Variants in TSHZ2 observed in about 807,000 individuals in gnomAD.
The protein encoded by TSHZ2 is teashirt zinc finger homeobox 2.
In TSHZ2, 21 loss-of-function variants were observed where a neutral mutation model predicts 74.4. The observed-to-expected ratio is 0.28, with a 90% confidence interval of 0.20 to 0.41. The LOEUF (loss-of-function observed/expected upper bound fraction) is 0.41, where lower values mean the gene tolerates loss of function less well. TSHZ2 is among the 10% of genes least tolerant of loss of function. The pLI is 1.00. For synonymous variants in TSHZ2, 540 were observed against 515.3 expected (o/e 1.05, Z -0.65); for missense variants, 1,244 against 1,293.5 (o/e 0.96, Z 0.59).
chr20:53,122,356 CATT>C (rs1986835766), intron 1 of TSHZ2, among the ~76,000 whole-genome samples: 1 of 151,270 alleles, frequency 6.6e-6, no homozygotes, highest in Admixed American at 6.6e-5. Context: ...ACCATCATGA[CATT>C]ATTGTCATCA....
chr20:53,051,519 C>T (rs6013621), intron 1 of TSHZ2, among the ~76,000 whole-genome samples: 71,040 of 150,648 alleles, frequency 0.47, 18,538 homozygotes, highest in East Asian at 0.75. Context: ...TGCACTGGAG[C>T]CCTGTAAGTA....
intron 2 of TSHZ2, among the ~76,000 whole-genome samples, chr20:53,424,016 A>G (rs908350577): frequency 6.6e-6 from 1 of 152,216 alleles, no homozygotes; most frequent in East Asian, 1.9e-4. Context: ...CCAAATGTCA[A>G]TAGTGCCAAA....
chr20:53,442,931 TATCTC>T (rs1030673633), intron 2 of TSHZ2, among the ~76,000 whole-genome samples: 3 of 152,220 alleles, frequency 2.0e-5, no homozygotes, highest in Non-Finnish European at 4.4e-5. Flanking sequence ...TTTGCAGTAA[TATCTC>T]ATCCCGCTTA....
rs185998972 is a variant in TSHZ2, at chr20:53,149,800, C to T, written c.41-103699C>T. On this transcript the variant is annotated intron_variant, in intron 1 of 2. Coordinates refer to ENST00000371497, the MANE Select transcript of TSHZ2 (RefSeq NM_173485.6). Reference sequence around the variant, plus strand: ...ACGAGGCAAAACTGAGACCTGCTGGCAGGCTCCTTCTCCAAAGAGACATTT... The same window carrying T: ...ACGAGGCAAAACTGAGACCTGCTGGTAGGCTCCTTCTCCAAAGAGACATTT... 1.3e-4 allele frequency among the ~76,000 whole-genome samples: 20 copies of T among 152,304 alleles called. No homozygotes were observed. The East Asian group carries it at 3.7e-3, about 28-fold the overall frequency.
At chr20:52,984,030 C>T (rs1981663553) in intron 1 of TSHZ2, among the ~76,000 whole-genome samples, 1 of 152,230 alleles carries the variant, frequency 6.6e-6, no homozygotes, top group African/African-American at 2.4e-5. Context: ...TAATTGTCAC[C>T]TCCAGATAAG....
chr20:53,344,746 T>C (rs1980369372), intron 2 of TSHZ2, among the ~76,000 whole-genome samples: 1 of 147,038 alleles, frequency 6.8e-6, no homozygotes. Flanking sequence ...ATTAACCTAA[T>C]ATGAGAAAAA....
chr20:53,166,297 T>G (rs181477330), intron 1 of TSHZ2, among the ~76,000 whole-genome samples: 156 of 152,316 alleles, frequency 1.0e-3, no homozygotes, highest in African/African-American at 3.6e-3. Context: ...AGAAAAATTC[T>G]AAGTGTGGTG....
intron 1 of TSHZ2, among the ~76,000 whole-genome samples, chr20:53,075,996 C>T (rs1436885663): frequency 6.6e-6 from 1 of 152,180 alleles, no homozygotes; most frequent in Non-Finnish European, 1.5e-5. Flanking sequence ...TTCCTCACTT[C>T]TAGCGAGAGG....
At chr20:53,361,923 T>TTG (rs34541527) in intron 2 of TSHZ2, among the ~76,000 whole-genome samples, 13,112 of 52,534 alleles carry the variant, frequency 0.25, 642 homozygotes, top group African/African-American at 0.34. Context: ...TTGTTTTGTG[T>TTG]TTTTTTTTTT....
intron 2 of TSHZ2, among the ~76,000 whole-genome samples, chr20:53,304,802 T>C (rs1978455683): frequency 6.6e-6 from 1 of 151,988 alleles, no homozygotes; most frequent in Non-Finnish European, 1.5e-5. Context: ...CAGCTAATTT[T>C]TGTATTGTTA....
intron 1 of TSHZ2, among the ~76,000 whole-genome samples, chr20:53,161,235 G>A (rs1987931442): frequency 6.7e-6 from 1 of 150,098 alleles, no homozygotes; most frequent in African/African-American, 2.5e-5. Flanking sequence ...CCAAATGAAT[G>A]TCTGCGGAAT....
At chr20:53,427,326 G>A (rs920899243) in intron 2 of TSHZ2, among the ~76,000 whole-genome samples, 7 of 152,252 alleles carry the variant, frequency 4.6e-5, no homozygotes, top group South Asian at 2.1e-4. Flanking sequence ...ACGGATTGGC[G>A]GATCCTACTC....
At chr20:53,104,632 T>G (rs1297439657) in intron 1 of TSHZ2, among the ~76,000 whole-genome samples, 2 of 152,180 alleles carry the variant, frequency 1.3e-5, no homozygotes, top group African/African-American at 4.8e-5. Flanking sequence ...AAATTCTGCC[T>G]CCTCTATGCT....
chr20:53,050,957 T>C (rs1226401887), intron 1 of TSHZ2, among the ~76,000 whole-genome samples: 1 of 152,234 alleles, frequency 6.6e-6, no homozygotes, highest in African/African-American at 2.4e-5. Flanking sequence ...CTAGAACTCT[T>C]TAGAGCTTTC....
At chr20:53,476,567 A>C (rs1985999630) in intron 2 of TSHZ2, among the ~76,000 whole-genome samples, 1 of 144,952 alleles carries the variant, frequency 6.9e-6, no homozygotes, top group Middle Eastern at 3.6e-3. Context: ...TGAATGGGCA[A>C]AAACTGGAAG....
intron 1 of TSHZ2, among the ~76,000 whole-genome samples, chr20:53,126,085 C>A (rs1301289689): frequency 6.6e-6 from 1 of 152,192 alleles, no homozygotes; most frequent in Non-Finnish European, 1.5e-5. Flanking sequence ...TGTCCATAGG[C>A]CCCCAGGCCA....
intron 1 of TSHZ2, among the ~76,000 whole-genome samples, chr20:52,996,416 G>A (rs954323537): frequency 6.6e-6 from 1 of 151,864 alleles, no homozygotes; most frequent in African/African-American, 2.4e-5. Context: ...AAAAGTTTTT[G>A]TATGTCAGGA....
chr20:53,176,666 G>A (rs1988346160), intron 1 of TSHZ2, among the ~76,000 whole-genome samples: 1 of 151,454 alleles, frequency 6.6e-6, no homozygotes, highest in Non-Finnish European at 1.5e-5. Context: ...TTTTTATTTA[G>A]AAGTTGTATT....
chr20:53,065,016 AG>A (rs1237329663), intron 1 of TSHZ2, among the ~76,000 whole-genome samples: 1 of 152,250 alleles, frequency 6.6e-6, no homozygotes, highest in Non-Finnish European at 1.5e-5. Flanking sequence ...AACTTCTTTA[AG>A]GGTTAAATTC....
Sources: gnomAD v4.1 joint callset for allele counts (sites outside exome capture counted in the v4.1 genomes callset) on GRCh38, gnomAD v4.1.1 for gene constraint, MANE v1.5 for transcripts, NCBI Gene and HGNC (gene_info 2026-07-23, HGNC 2026-07-21) for gene names.